Variants in ZNF727 observed in about 807,000 individuals in gnomAD.
The protein encoded by ZNF727 is zinc finger protein 727.
ZNF727 carries 11 observed loss-of-function variants against 11.5 expected under a neutral mutation model. The observed-to-expected ratio is 0.95, with a 90% confidence interval of 0.60 to 1.58. ZNF727 has a LOEUF of 1.58. ZNF727 is among the 40% of genes most tolerant of loss of function. The pLI, the probability that ZNF727 is intolerant of heterozygous loss-of-function variation, is 0.00. For synonymous variants in ZNF727, 171 were observed against 196.1 expected (o/e 0.87, Z 1.07); for missense variants, 533 against 581.7 (o/e 0.92, Z 0.86).
At position 64,077,882 on chromosome 7, in the gene ZNF727, A is replaced by G; in HGVS notation, c.833A>G (p.His278Arg). ...CSDLTKHKRI[H>R]TGEKPYKCKE... The stretch of plus-strand genomic sequence containing the variant: ...GACCTTACTAAACATAAGAGAATTC[A>G]TACTGGAGAGAAACCCTACAAATGT... The change falls in exon 4 of 4, where the codon CAT becomes CGT. Residue 278 changes from histidine (H) to arginine (R), a missense_variant. By Grantham distance (29) the His-to-Arg change is conservative. This residue lies in a region of ZNF727 where 463 missense variants were observed against 494.5 expected (regional missense o/e 0.94). Transcript: ENST00000456806. 6.3e-7 allele frequency: 1 copy of G among 1,577,714 alleles called. No homozygotes were observed.
chr7:64,050,239 A>T (rs906400412), intron 1 of ZNF727, among the ~76,000 whole-genome samples: 8 of 152,232 alleles, frequency 5.3e-5, no homozygotes, highest in Admixed American at 5.2e-4. Flanking sequence ...TACCATGTAG[A>T]TAATATACAA....
chr7:64,058,560 CTT>C, intron 1 of ZNF727, among the ~76,000 whole-genome samples: 1 of 152,190 alleles, frequency 6.6e-6, no homozygotes, highest in Middle Eastern at 3.4e-3. Context: ...ATCATAGTCT[CTT>C]CTACCTGCAT....
chr7:64,078,335 G>A lies in ZNF727; in HGVS notation c.1286G>A (p.Cys429Tyr), dbSNP rs765019374. ...MEVRPYKCEECGKTFKWFPDL... is the reference protein window; with the variant it reads ...MEVRPYKCEEYGKTFKWFPDL... ...GTGAGACCTTACAAATGTGAAGAATGTGGCAAAACCTTTAAGTGGTTCCCA... is the reference window on the plus strand; with the variant it reads ...GTGAGACCTTACAAATGTGAAGAATATGGCAAAACCTTTAAGTGGTTCCCA... Residue 429 changes from cysteine (C) to tyrosine (Y), a missense_variant, in exon 4 of 4, where the codon TGT becomes TAT. Coordinates refer to ENST00000456806, the MANE Select transcript of ZNF727 (RefSeq NM_001159522.3). The A allele has an allele frequency of 8.9e-6, 14 of 1,576,074 alleles. No homozygotes were observed. In the South Asian group the frequency reaches 1.6e-4, roughly 18 times the overall value.
At chr7:64,047,750 T>C (rs1337545430) in intron 1 of ZNF727, among the ~76,000 whole-genome samples, 1 of 79,566 alleles carries the variant, frequency 1.3e-5, no homozygotes, top group Non-Finnish European at 3.0e-5. Context: ...ACATTAAGAT[T>C]TTTTTCCCTC....
intron 1 of ZNF727, among the ~76,000 whole-genome samples, chr7:64,050,019 C>G (rs1789566089): frequency 6.6e-6 from 1 of 151,678 alleles, no homozygotes; most frequent in African/African-American, 2.4e-5. Context: ...TTTTGTATTA[C>G]TGTATTGGAC....
rs1785713562 is a variant in ZNF727, at chr7:64,078,019, A to C, written c.970A>C (p.Ile324Leu). 5.0e-6 allele frequency: 8 copies of C among 1,606,094 alleles called. No individual in the cohort carries two copies. The African/African-American group carries it at 5.4e-5, about 11-fold the overall frequency. ...TGAATGTGGAAAAGCTTTTATGTGG[A>C]TCTCGGCCCTTAGTCAACATAACAG... ...CNECGKAFMW[I>L]SALSQHNRIH... The change falls in exon 4 of 4, where the codon ATC (isoleucine) becomes CTC (leucine). Residue 324 changes from isoleucine to leucine, a missense_variant. Physicochemically the swap from Ile to Leu is conservative, Grantham distance 5. Coordinates refer to ENST00000456806, the MANE Select transcript of ZNF727 (RefSeq NM_001159522.3).
In ZNF727 at chr7:64,083,536, C is replaced by G. The variant is rs1785826101; in HGVS notation, c.*4987C>G. Among the ~76,000 whole-genome samples, 1 of 152,228 alleles carries G rather than the reference C, an allele frequency of 6.6e-6. No homozygotes were observed. The highest frequency in any genetic ancestry group is 2.4e-5 in the African/African-American group (1 of 41,452). ...TGGGAAGCCTGGAAAGCCAGAGTATCTGAGGCTCTTGAATCTCTGCACAGG... is the reference window on the plus strand; with the variant it reads ...TGGGAAGCCTGGAAAGCCAGAGTATGTGAGGCTCTTGAATCTCTGCACAGG... On this transcript the variant is annotated 3_prime_UTR_variant, in exon 4 of 4. Coordinates refer to ENST00000456806, the MANE Select transcript of ZNF727 (RefSeq NM_001159522.3).
chr7:64,069,648 G>T, intron 3 of ZNF727, 39 bp downstream of exon 3: 1 of 1,467,150 alleles, frequency 6.8e-7, no homozygotes, highest in Non-Finnish European at 9.3e-7. Context: ...ATAAATGACG[G>T]TTCCCAATGT....
intron 3 of ZNF727, among the ~76,000 whole-genome samples, chr7:64,070,092 T>C (rs1387563490): frequency 1.3e-5 from 2 of 152,094 alleles, no homozygotes; most frequent in African/African-American, 4.8e-5. Flanking sequence ...TGCTTCCTGC[T>C]TTATAATTTT....
At chr7:64,047,516 C>G (rs946915606) in intron 1 of ZNF727, among the ~76,000 whole-genome samples, 1 of 152,176 alleles carries the variant, frequency 6.6e-6, no homozygotes, top group African/African-American at 2.4e-5. Context: ...CAGTCACTCT[C>G]CTGTATTTTC....
chr7:64,057,915 A>G (rs1315535610), intron 1 of ZNF727, among the ~76,000 whole-genome samples: 1 of 152,092 alleles, frequency 6.6e-6, no homozygotes, highest in Non-Finnish European at 1.5e-5. Context: ...CCTACCACAT[A>G]TCCATTGTTG....
At chr7:64,057,237 T>G (rs1158857641) in intron 1 of ZNF727, among the ~76,000 whole-genome samples, 1 of 152,198 alleles carries the variant, frequency 6.6e-6, no homozygotes, top group East Asian at 1.9e-4. Context: ...TTAATTAACC[T>G]TAGGCAGTAT....
intron 1 of ZNF727, among the ~76,000 whole-genome samples, chr7:64,063,483 C>T (rs543352609): frequency 6.6e-6 from 1 of 151,854 alleles, no homozygotes; most frequent in South Asian, 2.1e-4. Context: ...AATGGAATCT[C>T]TCTCTCTCTG....
In ZNF727 at chr7:64,063,830, C is replaced by T. The variant is rs530356819; in HGVS notation, c.4-5061C>T. Among the ~76,000 whole-genome samples the T allele has an allele frequency of 8.1e-4, 124 of 152,162 alleles. 3 individuals are homozygous for T. In the South Asian group the frequency reaches 0.016, roughly 20 times the overall value. ...TATTCTGCTGTGGCTTAGCTGGCAC[C>T]GAAGCCATGAGACAATATCCTTCCT... On this transcript the variant is annotated intron_variant, in intron 1 of 3. Transcript: ENST00000456806.
At chr7:64,075,429 A>G (rs1790025360) in intron 3 of ZNF727, among the ~76,000 whole-genome samples, 1 of 151,826 alleles carries the variant, frequency 6.6e-6, no homozygotes, top group Admixed American at 6.6e-5. Flanking sequence ...TATTGCTGTC[A>G]CTATATACTA....
chr7:64,085,136 A>G lies in ZNF727; in HGVS notation c.*6587A>G. On this transcript the variant is annotated 3_prime_UTR_variant, in exon 4 of 4. Coordinates refer to ENST00000456806, the MANE Select transcript of ZNF727 (RefSeq NM_001159522.3). Reference sequence around the variant, plus strand: ...GTACTATCCCCTCAGAGATTATGAAAGTGACTGATAAAATTTAATGGTGTT... The same window carrying G: ...GTACTATCCCCTCAGAGATTATGAAGGTGACTGATAAAATTTAATGGTGTT... Among the ~76,000 whole-genome samples the G allele has an allele frequency of 6.6e-6, 1 of 152,302 alleles. No homozygotes were observed. Among genetic ancestry groups the G allele is most frequent in the South Asian group, 2.1e-4 (1 of 4,826 alleles).
chr7:64,054,425 C>G (rs1389416683), intron 1 of ZNF727, among the ~76,000 whole-genome samples: 2 of 152,200 alleles, frequency 1.3e-5, no homozygotes, highest in African/African-American at 4.8e-5. Flanking sequence ...AGAGGTCTCT[C>G]TCTTCTATCT....
chr7:64,069,820 T>A (rs1789932043), intron 3 of ZNF727, among the ~76,000 whole-genome samples: 1 of 152,066 alleles, frequency 6.6e-6, no homozygotes, highest in South Asian at 2.1e-4. Context: ...CAGTAATGTG[T>A]GTTGTTGTTG....
intron 1 of ZNF727, among the ~76,000 whole-genome samples, chr7:64,066,335 T>C (rs6958588): frequency 0.62 from 94,529 of 151,944 alleles, 30,087 homozygotes; most frequent in Non-Finnish European, 0.68. Context: ...AAAAAGTGCA[T>C]ATAGCCAACA....
Sources: allele counts gnomAD v4.1 joint callset (sites outside exome capture counted in the v4.1 genomes callset), GRCh38; gene constraint gnomAD v4.1.1; regional missense constraint gnomAD v4.1.1; transcripts MANE v1.5; gene names NCBI Gene and HGNC (gene_info 2026-07-23, HGNC 2026-07-21).